Variants in ARMC2 observed in about 807,000 individuals in gnomAD.
ARMC2 encodes armadillo repeat-containing protein 2.
ARMC2 carries 67 observed loss-of-function variants against 90.3 expected under a neutral mutation model. The observed-to-expected ratio is 0.74, with a 90% confidence interval of 0.61 to 0.91. The LOEUF is 0.91. Among genes scored for constraint, ARMC2 ranks in the 40% least tolerant of loss-of-function variants. The probability of loss-of-function intolerance (pLI) is 0.00; values close to 1 mark genes in which losing one functional copy is unlikely to be tolerated. For missense variants in ARMC2, 920 were observed against 1,030.9 expected (o/e 0.89, Z 1.47); for synonymous variants, 393 against 393.0 (o/e 1.00, Z 0.00).
chr6:109,000,520 G>A, the ARMC2 span: 1 of 1,606,336 alleles, frequency 6.2e-7, no homozygotes, highest in Non-Finnish European at 8.5e-7. Flanking sequence ...ATAAGCCAAG[G>A]TCTATGGGCT....
intron 5 of ARMC2, among the ~76,000 whole-genome samples, chr6:108,893,569 A>G (rs1033109491): frequency 2.6e-5 from 4 of 152,096 alleles, no homozygotes; most frequent in African/African-American, 9.7e-5. Context: ...TGTAACAGTG[A>G]CCCCTTGTGG....
At chr6:108,928,017 G>A in intron 10 of ARMC2, 71 bp from the exon 11 acceptor site, 1 of 1,429,990 alleles carries the variant, frequency 7.0e-7, no homozygotes, top group Non-Finnish European at 9.4e-7. Context: ...GAAATGAATT[G>A]TACTATGCTG....
intron 1 of ARMC2, among the ~76,000 whole-genome samples, chr6:108,853,683 T>G (rs1242108465): frequency 6.6e-6 from 1 of 152,220 alleles, no homozygotes; most frequent in Non-Finnish European, 1.5e-5. Flanking sequence ...TATTTGGTAT[T>G]TATTTACTTA....
At chr6:108,934,680 C>G (rs1775820089) in intron 11 of ARMC2, among the ~76,000 whole-genome samples, 1 of 152,110 alleles carries the variant, frequency 6.6e-6, no homozygotes, top group African/African-American at 2.4e-5. Flanking sequence ...TCAATTTCTT[C>G]CCATATGGTT....
chr6:108,890,203 A>AC (rs1562356855), intron 5 of ARMC2, among the ~76,000 whole-genome samples: 8 of 21,924 alleles, frequency 3.6e-4, no homozygotes, highest in East Asian at 2.5e-3. Flanking sequence ...AAAAAAAAAA[A>AC]AAAAAAAAAA....
downstream of ARMC2, among the ~76,000 whole-genome samples, chr6:108,976,849 T>C (rs1778992364): frequency 6.6e-6 from 1 of 152,244 alleles, no homozygotes; most frequent in Non-Finnish European, 1.5e-5. Context: ...TGCACATTGA[T>C]TTTGTATCTT....
the ARMC2 span, chr6:109,000,512 A>C: frequency 6.3e-7 from 1 of 1,595,420 alleles, no homozygotes; most frequent in African/African-American, 1.3e-5. Context: ...CTTTGGTAAT[A>C]AGCCAAGGTC....
the ARMC2 span, among the ~76,000 whole-genome samples, chr6:109,048,785 T>C: frequency 6.6e-6 from 1 of 152,218 alleles, no homozygotes; most frequent in African/African-American, 2.4e-5. Flanking sequence ...CCCCTGATTC[T>C]AAATTCCAGG....
At chr6:109,000,464 C>T in the ARMC2 span, 2 of 1,457,582 alleles carry the variant, frequency 1.4e-6, no homozygotes, top group Non-Finnish European at 1.8e-6. Flanking sequence ...TGAAATGACT[C>T]CCAAGATATA....
chr6:108,960,375 G>T (rs1391539252), intron 13 of ARMC2, among the ~76,000 whole-genome samples: 1 of 152,196 alleles, frequency 6.6e-6, no homozygotes, highest in Non-Finnish European at 1.5e-5. Flanking sequence ...TCACACTGTG[G>T]CCAGAAATGT....
At chr6:108,987,778 A>T in the ARMC2 span, 2 of 444,606 alleles carry the variant, frequency 4.5e-6, no homozygotes, top group South Asian at 4.3e-5. Context: ...TGTTGAACAG[A>T]TTATAAATTT....
At chr6:108,926,418 T>C (rs1401402939) in intron 10 of ARMC2, among the ~76,000 whole-genome samples, 1 of 152,190 alleles carries the variant, frequency 6.6e-6, no homozygotes, top group Non-Finnish European at 1.5e-5. Flanking sequence ...AATGGTTCAT[T>C]AGTCTTCACA....
chr6:108,866,588 T>C (rs568936831), intron 3 of ARMC2, among the ~76,000 whole-genome samples: 2 of 152,290 alleles, frequency 1.3e-5, no homozygotes, highest in Admixed American at 6.5e-5. Flanking sequence ...ATAGGAATTG[T>C]GTTTATGGGA....
At chr6:108,910,835 A>AT (rs1160350985) in intron 8 of ARMC2, 64 bp from the exon 9 acceptor site, 30 of 791,438 alleles carry the variant, frequency 3.8e-5, no homozygotes, top group Middle Eastern at 3.4e-4. Context: ...GATGTGGTTT[A>AT]TTTTTTTTAA....
chr6:108,880,207 C>G (rs1777387084), intron 5 of ARMC2: 1 of 326,974 alleles, frequency 3.1e-6, no homozygotes, highest in Non-Finnish European at 5.9e-6. Flanking sequence ...GTTGGTCTGT[C>G]TAGCAAACAG....
the ARMC2 span, among the ~76,000 whole-genome samples, chr6:109,013,801 C>T: frequency 6.6e-6 from 1 of 152,120 alleles, no homozygotes; most frequent in Non-Finnish European, 1.5e-5. Flanking sequence ...TCATTTAAAA[C>T]GTTTCATTTA....
the ARMC2 span, among the ~76,000 whole-genome samples, chr6:109,015,900 C>T: frequency 2.0e-5 from 3 of 152,202 alleles, no homozygotes; most frequent in Admixed American, 1.3e-4. Flanking sequence ...AATGTGAACA[C>T]ATGAAATTCT....
chr6:109,049,008 C>T, the ARMC2 span, among the ~76,000 whole-genome samples: 282 of 152,256 alleles, frequency 1.9e-3, no homozygotes, highest in African/African-American at 5.7e-3. Flanking sequence ...TTGCTTAGCA[C>T]GCTTCTTTGT....
chr6:109,006,258 T>C, the ARMC2 span, among the ~76,000 whole-genome samples: 1 of 152,208 alleles, frequency 6.6e-6, no homozygotes, highest in Non-Finnish European at 1.5e-5. Flanking sequence ...GGTACTATTA[T>C]TATCTCCATT....
Sources: allele counts gnomAD v4.1 joint callset (sites outside exome capture counted in the v4.1 genomes callset), GRCh38; gene constraint gnomAD v4.1.1; transcripts MANE v1.5; gene names NCBI Gene and HGNC (gene_info 2026-07-23, HGNC 2026-07-21).